Variants in CABP5 observed in about 807,000 individuals in gnomAD.
CABP5 encodes calcium binding protein 5.
CABP5 carries 17 observed loss-of-function variants against 21.9 expected under a neutral mutation model. The observed-to-expected ratio is 0.78, with a 90% confidence interval of 0.53 to 1.17. The LOEUF (loss-of-function observed/expected upper bound fraction) is 1.17, where lower values mean the gene tolerates loss of function less well. Among genes scored for constraint, CABP5 ranks in the 50% most tolerant of loss-of-function variants. The pLI, the probability that CABP5 is intolerant of heterozygous loss-of-function variation, is 0.00. For missense variants in CABP5, 229 were observed against 228.9 expected, an observed-to-expected ratio of 1.00 and a Z score of 0.00; for synonymous variants, 85 against 79.4, an observed-to-expected ratio of 1.07 and a Z score of -0.37.
chr19:48,032,002 C>T (rs1967345509), intron 5 of CABP5, among the ~76,000 whole-genome samples: 1 of 151,648 alleles, frequency 6.6e-6, no homozygotes, highest in Non-Finnish European at 1.5e-5. Context: ...CAACTCAACA[C>T]AGCAAGGTCT....
At chr19:48,039,842 T>C (rs1388186601) in intron 3 of CABP5, among the ~76,000 whole-genome samples, 2 of 149,448 alleles carry the variant, frequency 1.3e-5, no homozygotes, top group Admixed American at 6.8e-5. Flanking sequence ...GCCTCCCGAG[T>C]AGCTGGGATT....
Position 48,041,609 on chromosome 19 carries a change from A to G in CABP5, c.64-6T>C. The G allele has an allele frequency of 6.2e-7, 1 of 1,610,670 alleles. No individual in the cohort carries two copies. The highest frequency in any genetic ancestry group is 8.5e-7 in the Non-Finnish European group (1 of 1,178,982). On this transcript the variant is annotated splice_region_variant and splice_polypyrimidine_tract_variant and intron_variant, in intron 1 of 5. Coordinates refer to ENST00000293255, the MANE Select transcript of CABP5 (RefSeq NM_019855.5). ...TCTTGTCCCAGTGGTCTTTCCTGGA[A>G]AGGAATGCAGATGAGAGGGAATTTG...
At chr19:48,034,130 G>T in intron 5 of CABP5, 85 bp downstream of exon 5, 2 of 1,364,322 alleles carry the variant, frequency 1.5e-6, no homozygotes, top group Non-Finnish European at 9.7e-7. Context: ...AGAAGGAGTG[G>T]CCAACTTGGA....
At chr19:48,034,090 C>T (rs954970321) in intron 5 of CABP5, 125 bp downstream of exon 5, 29 of 938,222 alleles carry the variant, frequency 3.1e-5, no homozygotes, top group Admixed American at 7.0e-5. Flanking sequence ...ACCTGCCACC[C>T]GCTTCCATTC....
In CABP5 at chr19:48,029,731, T is replaced by C. The variant is rs1453593486; in HGVS notation, c.*826A>G. On this transcript the variant is annotated 3_prime_UTR_variant, in exon 6 of 6. Coordinates refer to ENST00000293255, the MANE Select transcript of CABP5 (RefSeq NM_019855.5). ...AACCTTGATAATCCAGATTTGTGGT[T>C]TAATTCAGTCCCCTGAGTATCTTAC... 2.0e-5 allele frequency among the ~76,000 whole-genome samples: 3 copies of C among 151,602 alleles called. No homozygotes were observed. Among genetic ancestry groups the C allele is most frequent in the African/African-American group, 7.3e-5 (3 of 41,180 alleles).
chr19:48,038,554 C>T (rs894104761), intron 4 of CABP5, among the ~76,000 whole-genome samples: 9 of 152,062 alleles, frequency 5.9e-5, no homozygotes, highest in African/African-American at 1.9e-4. Flanking sequence ...TGGCCAGGCA[C>T]GGTGGCTCAT....
At position 48,039,703 on chromosome 19, in the gene CABP5, C is replaced by CTTTTTTTTT. The variant is rs772482700; in HGVS notation, c.239-395_239-387dup. 1.2e-4 allele frequency among the ~76,000 whole-genome samples: 7 copies of CTTTTTTTTT among 59,228 alleles called. 3 individuals are homozygous for CTTTTTTTTT. The highest frequency in any genetic ancestry group is 2.0e-4 in the Non-Finnish European group (7 of 34,202). The allele number at this position is 59,228 out of a possible 152,430, so 38.9% of individuals were successfully genotyped here. ...ACATGCCCAGAAGCAAACCCAATAG[C>CTTTTTTTTT]TTTTTTTTTTTTTTTTTTTTTTTTT... On this transcript the variant is annotated intron_variant, in intron 3 of 5. Coordinates refer to ENST00000293255, the MANE Select transcript of CABP5 (RefSeq NM_019855.5).
chr19:48,030,925 C>T (rs554521721), intron 5 of CABP5, among the ~76,000 whole-genome samples: 1 of 151,630 alleles, frequency 6.6e-6, no homozygotes, highest in African/African-American at 2.4e-5. Flanking sequence ...CCCAGGAGTT[C>T]GAGACCAGCC....
In CABP5 at chr19:48,039,213, T is replaced by C. The variant is rs1206158281; in HGVS notation, c.343A>G (p.Lys115Glu). The C allele has an allele frequency of 6.2e-7, 1 of 1,613,180 alleles. No individual in the cohort carries two copies. Among genetic ancestry groups the C allele is most frequent in the East Asian group, 2.2e-5 (1 of 44,886 alleles). Residue 115 changes from lysine (K) to glutamate (E), a missense_variant, in exon 4 of 6, where the codon AAG (lysine) becomes GAG (glutamate). Coordinates refer to ENST00000293255, the MANE Select transcript of CABP5 (RefSeq NM_019855.5). ...CCATGACACTGTTAACTCACCTCCTTGAAGGCATCCCGCATCTCCTGGACA... is the reference window on the plus strand; with the variant it reads ...CCATGACACTGTTAACTCACCTCCTCGAAGGCATCCCGCATCTCCTGGACA... Reference protein sequence around the residue: ...IGVQEMRDAFKEFDTNGDGEI... With the variant: ...IGVQEMRDAFEEFDTNGDGEI...
intron 1 of CABP5, among the ~76,000 whole-genome samples, chr19:48,041,832 C>A (rs1967485949): frequency 6.6e-6 from 1 of 152,030 alleles, no homozygotes; most frequent in East Asian, 1.9e-4. Context: ...TCCCAATCTC[C>A]CTTTTTCTCC....
intron 5 of CABP5, among the ~76,000 whole-genome samples, chr19:48,031,432 C>A (rs1443914310): frequency 6.6e-6 from 1 of 152,030 alleles, no homozygotes. Flanking sequence ...CCCAGCTACT[C>A]CACAGGCTGA....
chr19:48,041,528 G>T (rs1295222086), intron 2 of CABP5, 45 bp downstream of exon 2: 5 of 1,600,848 alleles, frequency 3.1e-6, no homozygotes, highest in African/African-American at 1.3e-5. Context: ...GGCAGGTCAG[G>T]TGGGTGGATG....
Position 48,030,601 on chromosome 19 carries a change from A to G in CABP5, c.497-19T>C. 1.9e-6 allele frequency: 3 copies of G among 1,604,312 alleles called. No individual in the cohort carries two copies. Among genetic ancestry groups the G allele is most frequent in the Non-Finnish European group, 2.6e-6 (3 of 1,172,914 alleles). On this transcript the variant is annotated intron_variant, in intron 5 of 5. Transcript: ENST00000293255. ...ACAAACTCTGCAAAGAAAAAAAAAA[A>G]TCCCCAGTAAGGCATCTCGTTGTAA...
Position 48,041,565 on chromosome 19 carries a change from G to C in CABP5, c.94+8C>G, listed in dbSNP as rs755392379. 1.4e-5 allele frequency: 23 copies of C among 1,611,968 alleles called. No individual in the cohort carries two copies. The Middle Eastern group carries it at 2.6e-3, about 185-fold the overall frequency. On this transcript the variant is annotated splice_region_variant and intron_variant, in intron 2 of 5. Coordinates refer to ENST00000293255, the MANE Select transcript of CABP5 (RefSeq NM_019855.5). ...CAACGTGGAAGCAACTGGGGAAGAC[G>C]GTGTTACCTTCAATCTCATCTTGTC...
Position 48,032,711 on chromosome 19 carries a change from G to A in CABP5, c.496+1504C>T, listed in dbSNP as rs139184528. Among the ~76,000 whole-genome samples, 1,491 of 150,492 alleles carry A rather than the reference G, an allele frequency of 9.9e-3. 28 individuals are homozygous for A. The highest frequency in any genetic ancestry group is 0.033 in the African/African-American group (1,355 of 40,994). ...AGTGGTGTGACCTCGGCTCACTGCA[G>A]CCTCCACCTCCTGGGTTCAAGCAAT... is the stretch of plus-strand genomic sequence containing the variant. On this transcript the variant is annotated intron_variant, in intron 5 of 5. Coordinates refer to ENST00000293255, the MANE Select transcript of CABP5 (RefSeq NM_019855.5).
chr19:48,029,828 G>GAGAGAGAGAGACAGAGAC lies in CABP5; in HGVS notation c.*728_*729insGTCTCTGTCTCTCTCTCT, dbSNP rs1224439008. 3 of 150,424 alleles carry GAGAGAGAGAGACAGAGAC rather than the reference G, an allele frequency of 2.0e-5. No individual in the cohort carries two copies. The highest frequency in any genetic ancestry group is 7.4e-5 in the African/African-American group (3 of 40,294). The allele number at this position is 150,424 out of a possible 1,614,324, so 9.3% of individuals were successfully genotyped here. A position where few individuals can be genotyped will look rare whatever the true frequency, so the allele number is the denominator to read the frequency against. Reference sequence around the variant, plus strand: ...AGAGAGAGAGAGAGAGAGAGAGAGAGAGAGAGAGAAACCAGACAGTGCTTC... The same window carrying GAGAGAGAGAGACAGAGAC: ...AGAGAGAGAGAGAGAGAGAGAGAGAGAGAGAGAGAGACAGAGACAGAGAGAGAAACCAGACAGTGCTTC... On this transcript the variant is annotated 3_prime_UTR_variant, in exon 6 of 6. Transcript: ENST00000293255.
chr19:48,033,251 G>A (rs8109290), intron 5 of CABP5, among the ~76,000 whole-genome samples: 66,269 of 151,666 alleles, frequency 0.44, 15,336 homozygotes, highest in East Asian at 0.76. Context: ...TGATCCACTC[G>A]CCTCGGCCTC....
At chr19:48,033,947 C>A (rs1482488689) in intron 5 of CABP5, among the ~76,000 whole-genome samples, 2 of 152,072 alleles carry the variant, frequency 1.3e-5, no homozygotes, top group Non-Finnish European at 2.9e-5. Flanking sequence ...ATGGGCAAGG[C>A]GGAAGGGCGT....
At chr19:48,042,545 C>T (rs772449523) in intron 1 of CABP5, among the ~76,000 whole-genome samples, 3 of 151,212 alleles carry the variant, frequency 2.0e-5, no homozygotes, top group Admixed American at 6.6e-5. Flanking sequence ...CCCCTCCTTG[C>T]GGTCCCTTAT....
Sources: allele counts gnomAD v4.1 joint callset (sites outside exome capture counted in the v4.1 genomes callset), GRCh38; gene constraint gnomAD v4.1.1; transcripts MANE v1.5; gene names NCBI Gene and HGNC (gene_info 2026-07-23, HGNC 2026-07-21).